The following TNIK variants were observed in gnomAD, a reference collection of about 807,000 sequenced individuals.
TNIK encodes the protein TRAF2 and NCK-interacting protein kinase.
A neutral mutation model predicts 191.3 loss-of-function variants in TNIK; 49 were observed. That is an observed-to-expected ratio of 0.26 (90% CI 0.20 to 0.32). The LOEUF (loss-of-function observed/expected upper bound fraction) is 0.32, where lower values mean the gene tolerates loss of function less well. Ranked by LOEUF, TNIK falls within the 10% of genes least tolerant of loss-of-function variation. The pLI is 1.00. For synonymous variants in TNIK, 594 were observed against 600.9 expected, an observed-to-expected ratio of 0.99 and a Z score of 0.17; for missense variants, 1,155 against 1,702.3, an observed-to-expected ratio of 0.68 and a Z score of 5.66.
At chr3:171,241,173 G>T (rs1744938301) in intron 2 of TNIK, among the ~76,000 whole-genome samples, 2 of 151,990 alleles carry the variant, frequency 1.3e-5, no homozygotes, top group Admixed American at 6.6e-5. Flanking sequence ...TGGGATTACA[G>T]GTGCGCACCA....
In TNIK at chr3:171,125,998, T is replaced by A. The variant is rs375303693; in HGVS notation, c.1927A>T (p.Thr643Ser). The change falls in exon 17 of 33, where the codon ACC becomes TCC. Residue 643 changes from threonine (T) to serine (S), a missense_variant. Thr to Ser is a moderately conservative substitution (Grantham distance 58, BLOSUM62 1). Coordinates refer to ENST00000436636, the MANE Select transcript of TNIK (RefSeq NM_015028.4). ...VEMPRQNSDP[T>S]SENPPLPTRI... ...GTGGGGAGAGGAGGATTTTCCGAGG[T>A]GGGATCTGAGTTCTGGCGTGGCATC... 151 of 1,613,768 alleles carry A rather than the reference T, an allele frequency of 9.4e-5. No homozygotes were observed. Among genetic ancestry groups the A allele is most frequent in the Non-Finnish European group, 1.2e-4 (138 of 1,179,872 alleles).
At chr3:171,189,233 C>T (rs1560236650) in intron 6 of TNIK, among the ~76,000 whole-genome samples, 1 of 152,206 alleles carries the variant, frequency 6.6e-6, no homozygotes, top group Non-Finnish European at 1.5e-5. Flanking sequence ...GGTTCATCCA[C>T]GTTGCAGCAT....
intron 1 of TNIK, among the ~76,000 whole-genome samples, chr3:171,448,353 T>A (rs1446942487): frequency 6.6e-6 from 1 of 152,232 alleles, no homozygotes; most frequent in East Asian, 1.9e-4. Context: ...ACATTTTATA[T>A]AAATGGAATC....
At chr3:171,365,161 C>CTTTTTCTTT (rs1715522490) in intron 2 of TNIK, among the ~76,000 whole-genome samples, 1 of 31,912 alleles carries the variant, frequency 3.1e-5, no homozygotes, top group East Asian at 1.4e-3. Flanking sequence ...GGACTACATT[C>CTTTTTCTTT]TTTTTTTTTT....
intron 2 of TNIK, among the ~76,000 whole-genome samples, chr3:171,292,062 GA>G (rs1328572409): frequency 1.3e-5 from 2 of 152,122 alleles, no homozygotes; most frequent in African/African-American, 4.8e-5. Context: ...TTAGATCTAA[GA>G]TTTCCCTTTT....
intron 2 of TNIK, among the ~76,000 whole-genome samples, chr3:171,314,843 C>A (rs1295699889): frequency 6.6e-6 from 1 of 152,062 alleles, no homozygotes; most frequent in Non-Finnish European, 1.5e-5. Flanking sequence ...GAGGTCAGGC[C>A]GCACCCCATA....
At chr3:171,129,121 G>A (rs1173991992) in intron 15 of TNIK, among the ~76,000 whole-genome samples, 5 of 152,158 alleles carry the variant, frequency 3.3e-5, no homozygotes, top group African/African-American at 1.2e-4. Context: ...GTGTTATTCG[G>A]TTAGCAGGGA....
chr3:171,096,454 C>A (rs1457761981), intron 22 of TNIK, among the ~76,000 whole-genome samples: 1 of 152,164 alleles, frequency 6.6e-6, no homozygotes, highest in African/African-American at 2.4e-5. Flanking sequence ...TCTCCATTAT[C>A]TAGTTCTTGC....
chr3:171,112,602 A>G (rs757200739), intron 18 of TNIK, among the ~76,000 whole-genome samples: 5 of 152,198 alleles, frequency 3.3e-5, no homozygotes, highest in African/African-American at 4.8e-5. Flanking sequence ...ATCTACAAAC[A>G]TCAAACTCAC....
At chr3:171,392,778 CAAAAAA>C (rs60306915) in intron 1 of TNIK, among the ~76,000 whole-genome samples, 1 of 95,282 alleles carries the variant, frequency 1.0e-5, no homozygotes, top group Non-Finnish European at 2.0e-5. Flanking sequence ...GATTCTGTCT[CAAAAAA>C]AAAAAAAAAA....
chr3:171,196,987 CTT>C (rs1738769321), intron 4 of TNIK, among the ~76,000 whole-genome samples: 1 of 152,194 alleles, frequency 6.6e-6, no homozygotes. Context: ...GATCTCCTGA[CTT>C]TGTGATCCGC....
intron 18 of TNIK, among the ~76,000 whole-genome samples, chr3:171,113,625 C>T (rs1361568568): frequency 6.7e-6 from 1 of 149,084 alleles, no homozygotes; most frequent in African/African-American, 2.5e-5. Flanking sequence ...AAAAAAAAAG[C>T]AAATTCAAGA....
intron 1 of TNIK, among the ~76,000 whole-genome samples, chr3:171,459,169 G>C (rs191620544): frequency 4.9e-4 from 74 of 152,224 alleles, no homozygotes; most frequent in Non-Finnish European, 5.9e-4. Context: ...AGTGGGGCTG[G>C]GGGGAGGGAG....
At chr3:171,195,346 G>T (rs574700987) in intron 4 of TNIK, among the ~76,000 whole-genome samples, 25 of 152,200 alleles carry the variant, frequency 1.6e-4, no homozygotes, top group Non-Finnish European at 3.1e-4. Flanking sequence ...GCATTTTCTA[G>T]GCTTAGAAAA....
intron 1 of TNIK, among the ~76,000 whole-genome samples, chr3:171,405,841 T>TCA (rs1281500947): frequency 6.6e-6 from 1 of 152,110 alleles, no homozygotes; most frequent in African/African-American, 2.4e-5. Context: ...ACCAAAAGGG[T>TCA]CACAGTCTTA....
Position 171,161,263 on chromosome 3 carries a change from C to G in TNIK, c.1016+7G>C, listed in dbSNP as rs745551301. 9 of 1,612,444 alleles carry G rather than the reference C, an allele frequency of 5.6e-6. No homozygotes were observed. Among genetic ancestry groups the G allele is most frequent in the Admixed American group, 3.3e-5 (2 of 59,952 alleles). On this transcript the variant is annotated splice_region_variant and intron_variant, in intron 11 of 32. Transcript: ENST00000436636. ...AACATTAGAAGACTTGGCTTTTGCTCTCATACCTGGGCTCTCCTGAGTCAT... is the reference window on the plus strand; with the variant it reads ...AACATTAGAAGACTTGGCTTTTGCTGTCATACCTGGGCTCTCCTGAGTCAT...
chr3:171,209,138 G>A (rs1740481262), intron 4 of TNIK, among the ~76,000 whole-genome samples: 1 of 149,312 alleles, frequency 6.7e-6, no homozygotes, highest in Admixed American at 6.7e-5. Flanking sequence ...TTCATTCCAT[G>A]AGCAGTGGGT....
At chr3:171,249,325 G>C (rs141649570) in intron 2 of TNIK, among the ~76,000 whole-genome samples, 1 of 152,272 alleles carries the variant, frequency 6.6e-6, no homozygotes, top group Non-Finnish European at 1.5e-5. Context: ...TTTCAACCCA[G>C]GTACCTTTAG....
At chr3:171,198,492 A>G (rs183692458) in intron 4 of TNIK, among the ~76,000 whole-genome samples, 2 of 152,280 alleles carry the variant, frequency 1.3e-5, no homozygotes, top group African/African-American at 2.4e-5. Flanking sequence ...CATTGTGACT[A>G]TATTTAATGA....
Sources: allele counts gnomAD v4.1 joint callset (sites outside exome capture counted in the v4.1 genomes callset), GRCh38; gene constraint gnomAD v4.1.1; transcripts MANE v1.5; gene names NCBI Gene and HGNC (gene_info 2026-07-23, HGNC 2026-07-21).